Variants in BCAS1 observed in about 807,000 individuals in gnomAD.
BCAS1 encodes the protein brain enriched myelin associated protein 1.
Under a neutral mutation model 65.4 loss-of-function variants are expected in BCAS1, and 46 were observed. That is an observed-to-expected ratio of 0.70 (90% CI 0.55 to 0.90). The LOEUF (loss-of-function observed/expected upper bound fraction) is 0.90, where lower values mean the gene tolerates loss of function less well. Ranked by LOEUF, BCAS1 falls within the 40% of genes least tolerant of loss-of-function variation. The pLI is 0.00. For missense variants in BCAS1, 793 were observed against 771.2 expected (o/e 1.03, Z -0.33); for synonymous variants, 298 against 293.5 (o/e 1.02, Z -0.16).
At chr20:54,028,057 T>C (rs1296846448) in intron 4 of BCAS1, among the ~76,000 whole-genome samples, 1 of 152,224 alleles carries the variant, frequency 6.6e-6, no homozygotes, top group Non-Finnish European at 1.5e-5. Flanking sequence ...TTTATTCCAC[T>C]AATGCCTTTT....
chr20:54,052,022 A>G (rs944542380), intron 3 of BCAS1, among the ~76,000 whole-genome samples: 1 of 152,204 alleles, frequency 6.6e-6, no homozygotes, highest in African/African-American at 2.4e-5. Context: ...TACACGCGTG[A>G]GCCACTGCAC....
chr20:53,950,503 C>T (rs1435553303), intron 12 of BCAS1, among the ~76,000 whole-genome samples: 4 of 151,782 alleles, frequency 2.6e-5, no homozygotes, highest in South Asian at 2.1e-4. Context: ...CAAACTCTAT[C>T]GCGGGACCTT....
At chr20:53,989,929 C>A (rs2090711663) in intron 7 of BCAS1, among the ~76,000 whole-genome samples, 1 of 152,076 alleles carries the variant, frequency 6.6e-6, no homozygotes, top group South Asian at 2.1e-4. Context: ...AAAGTTATTT[C>A]TTGTTTATCA....
chr20:53,969,498 G>C (rs2090125064), intron 9 of BCAS1, among the ~76,000 whole-genome samples: 1 of 152,248 alleles, frequency 6.6e-6, no homozygotes, highest in East Asian at 1.9e-4. Context: ...TAGATAAAGA[G>C]TGAACAATTG....
At chr20:54,069,555 C>A (rs963537119) in intron 1 of BCAS1, among the ~76,000 whole-genome samples, 1 of 152,204 alleles carries the variant, frequency 6.6e-6, no homozygotes, top group African/African-American at 2.4e-5. Context: ...TTCCATGAGA[C>A]CTGGAACCAG....
chr20:54,039,179 C>T (rs1285571499), intron 3 of BCAS1, among the ~76,000 whole-genome samples: 2 of 151,374 alleles, frequency 1.3e-5, no homozygotes, highest in South Asian at 2.1e-4. Flanking sequence ...TTTTAAAGGT[C>T]GTAAAGTCAG....
chr20:54,040,118 C>A (rs1188557034), intron 3 of BCAS1, among the ~76,000 whole-genome samples: 5 of 151,374 alleles, frequency 3.3e-5, no homozygotes, highest in African/African-American at 1.2e-4. Context: ...TCCATTTCCA[C>A]TATAGTGGAA....
chr20:53,959,254 C>G (rs1048331663), intron 10 of BCAS1, among the ~76,000 whole-genome samples: 28 of 148,586 alleles, frequency 1.9e-4, no homozygotes, highest in Admixed American at 6.7e-4. Flanking sequence ...CCATGTCCAG[C>G]TATTTTTTTT....
chr20:53,975,403 C>G lies in BCAS1; in HGVS notation c.1303G>C (p.Gly435Arg), dbSNP rs894758635. Reference sequence around the variant, plus strand: ...GTGTAACTTACATTCTCCTCCGCACCTGTGGGGACTGAGTCCTCTTTAACT... The same window carrying G: ...GTGTAACTTACATTCTCCTCCGCACGTGTGGGGACTGAGTCCTCTTTAACT... ...KSVKEDSVPT[G>R]AEENVVCESP... Residue 435 changes from glycine (G) to arginine (R), a missense_variant, in exon 9 of 13, where the codon GGT (glycine) becomes CGT (arginine). Gly to Arg is a moderately radical substitution (Grantham distance 125). Transcript: ENST00000688948. 79 of 1,612,382 alleles carry G rather than the reference C, an allele frequency of 4.9e-5. No individual in the cohort carries two copies. Among genetic ancestry groups the G allele is most frequent in the Non-Finnish European group, 6.3e-5 (74 of 1,178,964 alleles).
chr20:54,065,926 T>C (rs1240783902), intron 1 of BCAS1, among the ~76,000 whole-genome samples: 1 of 152,188 alleles, frequency 6.6e-6, no homozygotes, highest in African/African-American at 2.4e-5. Flanking sequence ...AAGCTGTTAG[T>C]ATAAGCAGTA....
intron 4 of BCAS1, among the ~76,000 whole-genome samples, chr20:54,002,254 T>C (rs2145894997): frequency 6.6e-6 from 1 of 152,298 alleles, no homozygotes; most frequent in Non-Finnish European, 1.5e-5. Flanking sequence ...CCCTAGGCTA[T>C]GGGCTGGAAA....
intron 3 of BCAS1, among the ~76,000 whole-genome samples, chr20:54,037,772 T>C (rs2146180416): frequency 6.6e-6 from 1 of 151,110 alleles, no homozygotes; most frequent in East Asian, 1.9e-4. Context: ...ATTTGCCTGA[T>C]TCCAAAGTTC....
rs2089744767 is a variant in BCAS1, at chr20:53,957,706, C to T, written c.1486-209G>A. Among the ~76,000 whole-genome samples the T allele has an allele frequency of 6.6e-6, 1 of 152,088 alleles. No homozygotes were observed. Among genetic ancestry groups the T allele is most frequent in the Non-Finnish European group, 1.5e-5 (1 of 68,010 alleles). On this transcript the variant is annotated intron_variant, in intron 10 of 12. Coordinates refer to ENST00000688948, the MANE Select transcript of BCAS1 (RefSeq NM_001366298.2). ...TCTAATTAAATTCAAGTGTTGGCCT[C>T]CAAAAATAACAACAAAAGTACTAAA...
At chr20:54,032,011 A>G (rs1467991270) in intron 3 of BCAS1, among the ~76,000 whole-genome samples, 1 of 151,186 alleles carries the variant, frequency 6.6e-6, no homozygotes, top group African/African-American at 2.4e-5. Flanking sequence ...CCACAAAAAG[A>G]TCTTCCCCAA....
At chr20:54,023,855 A>C (rs2091613501) in intron 4 of BCAS1, among the ~76,000 whole-genome samples, 1 of 152,194 alleles carries the variant, frequency 6.6e-6, no homozygotes, top group Non-Finnish European at 1.5e-5. Context: ...TGGTTATACA[A>C]CTCTTAAATT....
intron 10 of BCAS1, among the ~76,000 whole-genome samples, chr20:53,961,076 T>G (rs1038509715): frequency 1.8e-4 from 28 of 152,244 alleles, no homozygotes; most frequent in African/African-American, 5.3e-4. Context: ...ATTCACGCCT[T>G]GTATATTAAT....
intron 1 of BCAS1, chr20:54,068,339 A>C (rs554449600): frequency 1.3e-5 from 2 of 154,420 alleles, no homozygotes; most frequent in Admixed American, 1.3e-4. Flanking sequence ...TGTTAAGTGC[A>C]TGATAATCGC....
At chr20:53,985,630 TA>T in intron 7 of BCAS1, 131 bp from the exon 8 acceptor site, 1 of 826,692 alleles carries the variant, frequency 1.2e-6, no homozygotes, top group Non-Finnish European at 1.8e-6. Context: ...TATTTTTCTG[TA>T]TTTTAAAAAT....
chr20:53,954,728 G>A lies in BCAS1; in HGVS notation c.1552-1033C>T, dbSNP rs79264900. Among the ~76,000 whole-genome samples the A allele has an allele frequency of 4.0e-3, 602 of 152,182 alleles. 38 individuals are homozygous for A. The East Asian group carries it at 0.098, about 25-fold the overall frequency. On this transcript the variant is annotated intron_variant, in intron 11 of 12. Coordinates refer to ENST00000688948, the MANE Select transcript of BCAS1 (RefSeq NM_001366298.2). ...TTCTCCAGCTGCAAAAGCAACAAAG[G>A]TCCAAAAAAATATTTCTCCAGTATA...
Sources: allele counts gnomAD v4.1 joint callset (sites outside exome capture counted in the v4.1 genomes callset), GRCh38; gene constraint gnomAD v4.1.1; transcripts MANE v1.5; gene names NCBI Gene and HGNC (gene_info 2026-07-23, HGNC 2026-07-21).